Variants in CPEB1 observed in about 807,000 individuals in gnomAD.
The protein encoded by CPEB1 is cytoplasmic polyadenylation element-binding protein 1.
CPEB1 carries 7 observed loss-of-function variants against 65.8 expected under a neutral mutation model. That is an observed-to-expected ratio of 0.11 (90% CI 0.06 to 0.20). CPEB1 has a LOEUF of 0.20. Ranked by LOEUF, CPEB1 falls within the 10% of genes least tolerant of loss-of-function variation. The probability of loss-of-function intolerance (pLI) is 1.00; values close to 1 mark genes in which losing one functional copy is unlikely to be tolerated. For missense variants in CPEB1, 551 were observed against 712.2 expected (o/e 0.77, Z 2.58); for synonymous variants, 262 against 260.0 (o/e 1.01, Z -0.08).
At chr15:82,634,559 T>C (rs1596138441) in intron 1 of CPEB1, among the ~76,000 whole-genome samples, 1 of 152,220 alleles carries the variant, frequency 6.6e-6, no homozygotes, top group South Asian at 2.1e-4. Flanking sequence ...AATGGATTAA[T>C]AGCCAGTTGA....
At chr15:82,632,124 T>G (rs572876362) in intron 1 of CPEB1, among the ~76,000 whole-genome samples, 1 of 151,400 alleles carries the variant, frequency 6.6e-6, no homozygotes, top group Non-Finnish European at 1.5e-5. Flanking sequence ...TGGGACTACA[T>G]ACGCCCGCCA....
intron 3 of CPEB1, among the ~76,000 whole-genome samples, chr15:82,619,041 T>C (rs777298747): frequency 6.6e-6 from 1 of 152,142 alleles, no homozygotes; most frequent in Non-Finnish European, 1.5e-5. Context: ...GTTGAAGGAC[T>C]TCACTACCAA....
chr15:82,553,842 C>T (rs757463695), intron 7 of CPEB1, 36 bp downstream of exon 7: 5 of 1,407,704 alleles, frequency 3.6e-6, no homozygotes, highest in Non-Finnish European at 5.0e-6. Context: ...ATGCCCCACC[C>T]TTCAACTCTT....
At chr15:82,623,132 C>A (rs1272200217) in intron 3 of CPEB1, among the ~76,000 whole-genome samples, 1 of 152,182 alleles carries the variant, frequency 6.6e-6, no homozygotes, top group African/African-American at 2.4e-5. Context: ...TACTCAACAT[C>A]CAGTTAAGAC....
In CPEB1 at chr15:82,597,551, CTTGAGT is replaced by C. The variant is rs765099746; in HGVS notation, c.272-26025_272-26020del. On this transcript the variant is annotated intron_variant, in intron 3 of 12. Transcript: ENST00000684509. The stretch of plus-strand genomic sequence containing the variant: ...TTCCAAGGAAAAACATGTTTTACAG[CTTGAGT>C]TTATCTGTCTAGTGAACTTTCAGCT... Among the ~76,000 whole-genome samples, 109 of 152,276 alleles carry C rather than the reference CTTGAGT, an allele frequency of 7.2e-4. No homozygotes were observed. The Middle Eastern group carries it at 0.014, about 19-fold the overall frequency.
At chr15:82,619,974 G>A (rs1296788121) in intron 3 of CPEB1, among the ~76,000 whole-genome samples, 1 of 152,064 alleles carries the variant, frequency 6.6e-6, no homozygotes, top group African/African-American at 2.4e-5. Context: ...ATTCGCAATG[G>A]CCCCAAACTG....
chr15:82,563,357 C>CTTTTTTTTT (rs71453394), intron 4 of CPEB1, among the ~76,000 whole-genome samples: 22 of 92,036 alleles, frequency 2.4e-4, no homozygotes, highest in East Asian at 1.1e-3. Context: ...CATCTCTATT[C>CTTTTTTTTT]TTTTTTTTTT....
intron 3 of CPEB1, chr15:82,573,055 G>A (rs749176422): frequency 3.3e-6 from 5 of 1,535,322 alleles, no homozygotes; most frequent in African/African-American, 1.4e-5. Context: ...GTTCTCCCCT[G>A]TTGCAAGGAG....
At chr15:82,628,295 T>C (rs1345176862) in intron 2 of CPEB1, 69 bp downstream of exon 2, 5 of 701,916 alleles carry the variant, frequency 7.1e-6, no homozygotes, top group African/African-American at 3.5e-5. Context: ...ACTGTAGATA[T>C]GACAAAAAAA....
intron 3 of CPEB1, among the ~76,000 whole-genome samples, chr15:82,588,584 T>C (rs1436678872): frequency 6.6e-6 from 1 of 152,212 alleles, no homozygotes; most frequent in Non-Finnish European, 1.5e-5. Context: ...CTGATGAGCA[T>C]TCAGGCTGCT....
intron 4 of CPEB1, among the ~76,000 whole-genome samples, chr15:82,563,253 A>C (rs2038534710): frequency 6.6e-6 from 1 of 152,136 alleles, no homozygotes; most frequent in African/African-American, 2.4e-5. Context: ...ACTTGACAAA[A>C]CTGGAATATG....
At chr15:82,584,817 A>T (rs1471227967) in intron 3 of CPEB1, among the ~76,000 whole-genome samples, 1 of 147,112 alleles carries the variant, frequency 6.8e-6, no homozygotes, top group East Asian at 1.9e-4. Flanking sequence ...TACACGTTTG[A>T]AAAAAAAAAC....
chr15:82,645,361 C>T (rs2151401085), intron 1 of CPEB1, among the ~76,000 whole-genome samples: 1 of 152,154 alleles, frequency 6.6e-6, no homozygotes, highest in Non-Finnish European at 1.5e-5. Context: ...CCTTGTTGGC[C>T]AGGCTGGTCT....
intron 4 of CPEB1, among the ~76,000 whole-genome samples, chr15:82,569,581 G>A (rs1200981601): frequency 2.6e-5 from 4 of 152,230 alleles, no homozygotes; most frequent in African/African-American, 9.6e-5. Flanking sequence ...AGGTGGTGGA[G>A]AAGCTGTGGA....
At chr15:82,634,055 T>C (rs1008355892) in intron 1 of CPEB1, among the ~76,000 whole-genome samples, 1 of 152,206 alleles carries the variant, frequency 6.6e-6, no homozygotes, top group Non-Finnish European at 1.5e-5. Flanking sequence ...ATAAATACTT[T>C]TAGTGGCAGA....
At chr15:82,579,849 T>C (rs2041068530) in intron 3 of CPEB1, among the ~76,000 whole-genome samples, 1 of 129,994 alleles carries the variant, frequency 7.7e-6, no homozygotes, top group African/African-American at 2.9e-5. Flanking sequence ...GAAGCGGAGC[T>C]TGCAGTGAGC....
intron 3 of CPEB1, among the ~76,000 whole-genome samples, chr15:82,593,032 A>G (rs1170943539): frequency 6.6e-6 from 1 of 152,056 alleles, no homozygotes; most frequent in Non-Finnish European, 1.5e-5. Context: ...ATTATCAGAG[A>G]CTTCAGTGAG....
Position 82,548,268 on chromosome 15 carries a change from G to C in CPEB1, c.1481-1031C>G, listed in dbSNP as rs1027926315. The stretch of plus-strand genomic sequence containing the variant: ...GAGAATCACTTGAACCCAGGAGGCA[G>C]AGGTTGCAGTGAGCTGAGATAGCAC... On this transcript the variant is annotated intron_variant, in intron 10 of 12. Coordinates refer to ENST00000684509, the MANE Select transcript of CPEB1 (RefSeq NM_001365242.1). Among the ~76,000 whole-genome samples the C allele has an allele frequency of 1.1e-4, 17 of 152,104 alleles. 1 individual carries two copies. Among genetic ancestry groups the C allele is most frequent in the Non-Finnish European group, 2.5e-4 (17 of 68,032 alleles).
intron 1 of CPEB1, among the ~76,000 whole-genome samples, chr15:82,639,485 G>A (rs1176848636): frequency 6.6e-6 from 1 of 150,662 alleles, no homozygotes; most frequent in African/African-American, 2.4e-5. Context: ...TTTTGGGTCT[G>A]GCTTTTTTTT....
Sources: allele counts gnomAD v4.1 joint callset (sites outside exome capture counted in the v4.1 genomes callset), GRCh38; gene constraint gnomAD v4.1.1; transcripts MANE v1.5; gene names NCBI Gene and HGNC (gene_info 2026-07-23, HGNC 2026-07-21).